The following DRG1 variants were observed in gnomAD, a reference collection of about 807,000 sequenced individuals.
The protein encoded by DRG1 is developmentally-regulated GTP-binding protein 1.
In DRG1, 19 loss-of-function variants were observed where a neutral mutation model predicts 38.8. That is an observed-to-expected ratio of 0.49 (90% CI 0.34 to 0.72). DRG1 has a LOEUF of 0.72. Ranked by LOEUF, DRG1 falls within the 30% of genes least tolerant of loss-of-function variation. DRG1 has a pLI of 0.01. For missense variants in DRG1, 299 were observed against 444.8 expected (o/e 0.67, Z 2.95); for synonymous variants, 167 against 157.5 (o/e 1.06, Z -0.45).
At position 31,399,634 on chromosome 22, in the gene DRG1, C is replaced by G. The variant is rs199760860; in HGVS notation, c.-50C>G. ...CGCCTGGTGGCGGTGGCAGTTTGCC[C>G]GCGGGTGTGTGAAGGGAGACAGTGT... On this transcript the variant is annotated 5_prime_UTR_variant, in exon 1 of 9. Transcript: ENST00000331457. The G allele has an allele frequency of 1.2e-4, 192 of 1,613,646 alleles. 1 individual carries two copies. In the Middle Eastern group the frequency reaches 5.6e-3, roughly 47 times the overall value.
chr22:31,399,628 T>G lies in DRG1; in HGVS notation c.-56T>G, dbSNP rs1187385419. On this transcript the variant is annotated 5_prime_UTR_variant, in exon 1 of 9. Transcript: ENST00000331457. The stretch of plus-strand genomic sequence containing the variant: ...CAGTAGCGCCTGGTGGCGGTGGCAG[T>G]TTGCCCGCGGGTGTGTGAAGGGAGA... The G allele has an allele frequency of 3.1e-6, 5 of 1,611,958 alleles. No individual in the cohort carries two copies. The African/African-American group carries it at 6.7e-5, about 22-fold the overall frequency.
chr22:31,415,715 T>C (rs1489287964), intron 4 of DRG1, among the ~76,000 whole-genome samples: 1 of 152,164 alleles, frequency 6.6e-6, no homozygotes, highest in Non-Finnish European at 1.5e-5. Context: ...AGTCCTTATC[T>C]TTCCTTAGGT....
rs924682378 is a variant in DRG1, at chr22:31,434,240, A to G, written c.*269A>G. 5.4e-5 allele frequency: 20 copies of G among 367,688 alleles called. No individual in the cohort carries two copies. The highest frequency in any genetic ancestry group is 8.6e-5 in the Non-Finnish European group (17 of 197,246). 22.8% of individuals were successfully genotyped at this position (367,688 alleles called of 1,614,324 possible). The stretch of plus-strand genomic sequence containing the variant: ...TGGGATGGGCTGAATGAGGAAGGGT[A>G]TATACGGTGAAGCAGCTACAGAAGG... On this transcript the variant is annotated 3_prime_UTR_variant, in exon 9 of 9. Transcript: ENST00000331457.
At chr22:31,423,195 T>G in intron 5 of DRG1, 85 bp from the exon 6 acceptor site, 2 of 1,548,548 alleles carry the variant, frequency 1.3e-6, no homozygotes, top group South Asian at 2.4e-5. Flanking sequence ...TTAGCTAGAA[T>G]TTTCCAGGTA....
chr22:31,425,305 C>T (rs1490888210), intron 6 of DRG1, among the ~76,000 whole-genome samples: 1 of 152,126 alleles, frequency 6.6e-6, no homozygotes, highest in East Asian at 1.9e-4. Context: ...AGTAGTAGGT[C>T]AGTCTGCTCT....
chr22:31,420,709 T>C (rs2050072299), intron 5 of DRG1, among the ~76,000 whole-genome samples: 1 of 152,202 alleles, frequency 6.6e-6, no homozygotes, highest in African/African-American at 2.4e-5. Context: ...GCCGCCAATA[T>C]CTTCTGTTTT....
intron 8 of DRG1, among the ~76,000 whole-genome samples, chr22:31,433,307 G>A (rs552281884): frequency 7.3e-6 from 1 of 136,766 alleles, no homozygotes; most frequent in Admixed American, 7.9e-5. Context: ...AGTTTCGCTC[G>A]TTGCCCAACC....
intron 5 of DRG1, chr22:31,421,349 T>C (rs1161678949): frequency 6.6e-6 from 1 of 150,610 alleles, no homozygotes; most frequent in Non-Finnish European, 1.5e-5. Flanking sequence ...TCTTGAACTT[T>C]TGGCCTCAAG....
intron 8 of DRG1, among the ~76,000 whole-genome samples, chr22:31,433,294 C>T (rs1372186919): frequency 1.2e-4 from 13 of 105,732 alleles, no homozygotes; most frequent in African/African-American, 3.5e-4. Context: ...TTTTTTGAGG[C>T]GGAGTTTCGC....
At chr22:31,413,609 GTT>G (rs35654476) in intron 4 of DRG1, among the ~76,000 whole-genome samples, 1 of 60,464 alleles carries the variant, frequency 1.7e-5, no homozygotes, top group Non-Finnish European at 2.9e-5. Context: ...CCTATTGTGG[GTT>G]TTTTTTTTTT....
intron 4 of DRG1, among the ~76,000 whole-genome samples, chr22:31,416,518 G>A (rs1230091566): frequency 6.6e-6 from 1 of 151,660 alleles, no homozygotes; most frequent in East Asian, 1.9e-4. Flanking sequence ...ACTTTGGGAG[G>A]CCAAGGTGGG....
chr22:31,420,211 G>A (rs2050068763), intron 4 of DRG1, 45 bp from the exon 5 acceptor site: 4 of 1,597,342 alleles, frequency 2.5e-6, no homozygotes, highest in Middle Eastern at 2.0e-4. Context: ...GGTTAGTTAA[G>A]GCTTTATTGA....
At chr22:31,422,941 C>T (rs1005445046) in intron 5 of DRG1, among the ~76,000 whole-genome samples, 9 of 152,094 alleles carry the variant, frequency 5.9e-5, no homozygotes, top group Middle Eastern at 3.2e-3. Flanking sequence ...CTTATTAGGA[C>T]CACCAGTATT....
intron 3 of DRG1, among the ~76,000 whole-genome samples, chr22:31,404,752 G>A (rs2049980553): frequency 6.6e-6 from 1 of 151,930 alleles, no homozygotes; most frequent in African/African-American, 2.4e-5. Flanking sequence ...CTCCTGAGTA[G>A]CTGGGATTTC....
chr22:31,403,661 T>C (rs2145857889), intron 3 of DRG1, among the ~76,000 whole-genome samples: 1 of 152,172 alleles, frequency 6.6e-6, no homozygotes, highest in Admixed American at 6.5e-5. Context: ...TTTTTGTATT[T>C]TTAGTAGAAA....
At chr22:31,430,398 T>C (rs2050132284) in intron 8 of DRG1, among the ~76,000 whole-genome samples, 1 of 152,034 alleles carries the variant, frequency 6.6e-6, no homozygotes, top group Non-Finnish European at 1.5e-5. Context: ...GGGTTAATTT[T>C]TTTTTTTTTT....
At position 31,433,272 on chromosome 22, in the gene DRG1, A is replaced by ATTTTTTT. The variant is rs695603; in HGVS notation, c.1005-589_1005-583dup. 2.1e-3 allele frequency among the ~76,000 whole-genome samples: 282 copies of ATTTTTTT among 132,604 alleles called. 1 individual carries two copies. Among genetic ancestry groups the ATTTTTTT allele is most frequent in the Middle Eastern group, 0.012 (3 of 252 alleles). 87.0% of individuals were successfully genotyped at this position (132,604 alleles called of 152,430 possible). On this transcript the variant is annotated intron_variant, in intron 8 of 8. Coordinates refer to ENST00000331457, the MANE Select transcript of DRG1 (RefSeq NM_004147.4). ...ATTTCTCTATGAAGATTAAAGACGG[A>ATTTTTTT]TTTTTTTTTTTTTTTTTGAGGCGGA...
At chr22:31,410,945 G>C (rs2050014944) in intron 3 of DRG1, 67 bp from the exon 4 acceptor site, 1 of 1,508,180 alleles carries the variant, frequency 6.6e-7, no homozygotes, top group Non-Finnish European at 9.2e-7. Context: ...AATTAATTCT[G>C]TTTGATATTT....
chr22:31,421,877 G>C (rs1006524015), intron 5 of DRG1, among the ~76,000 whole-genome samples: 2 of 152,132 alleles, frequency 1.3e-5, no homozygotes, highest in East Asian at 3.9e-4. Context: ...AGTACTTTGG[G>C]AGTCCGAGGT....
Sources: gnomAD v4.1 joint callset for allele counts (sites outside exome capture counted in the v4.1 genomes callset) on GRCh38, gnomAD v4.1.1 for gene constraint, MANE v1.5 for transcripts, NCBI Gene and HGNC (gene_info 2026-07-23, HGNC 2026-07-21) for gene names.